The following MAPK8 variants were observed in gnomAD, a reference collection of about 807,000 sequenced individuals.
The protein encoded by MAPK8 is mitogen-activated protein kinase 8.
Under a neutral mutation model 52.9 loss-of-function variants are expected in MAPK8, and 13 were observed. That is an observed-to-expected ratio of 0.25 (90% confidence interval 0.16 to 0.39). MAPK8 has a LOEUF of 0.39. Among genes scored for constraint, MAPK8 ranks in the 10% least tolerant of loss-of-function variants. The pLI, the probability that MAPK8 is intolerant of heterozygous loss-of-function variation, is 1.00. For missense variants in MAPK8, 300 were observed against 519.2 expected, an observed-to-expected ratio of 0.58 and a Z score of 4.10; for synonymous variants, 191 against 169.8, an observed-to-expected ratio of 1.12 and a Z score of -0.97.
chr10:48,326,758 C>T (rs947444612), intron 1 of MAPK8, among the ~76,000 whole-genome samples: 1 of 152,096 alleles, frequency 6.6e-6, no homozygotes, highest in African/African-American at 2.4e-5. Context: ...AATCTATTAC[C>T]ATACGGATCA....
intron 2 of MAPK8, among the ~76,000 whole-genome samples, chr10:48,404,289 T>C (rs2042338347): frequency 6.6e-6 from 1 of 152,000 alleles, no homozygotes; most frequent in Non-Finnish European, 1.5e-5. Context: ...CTCAAGTAGC[T>C]GGGACTACAG....
At chr10:48,427,339 C>G (rs932031895) in intron 10 of MAPK8, 196 bp downstream of exon 10, 7 of 472,674 alleles carry the variant, frequency 1.5e-5, no homozygotes, top group Non-Finnish European at 1.9e-5. Context: ...GTTTCCCACC[C>G]CAGACACAGA....
At chr10:48,413,395 A>C (rs541858749) in intron 5 of MAPK8, among the ~76,000 whole-genome samples, 1 of 152,158 alleles carries the variant, frequency 6.6e-6, no homozygotes, top group East Asian at 1.9e-4. Context: ...ACCATTTTAC[A>C]TTCCCACCAG....
chr10:48,362,954 T>C (rs1847685280), intron 1 of MAPK8, among the ~76,000 whole-genome samples: 1 of 152,130 alleles, frequency 6.6e-6, no homozygotes, highest in Non-Finnish European at 1.5e-5. Flanking sequence ...TTGGCCAGGC[T>C]GGTCTCGAAC....
At chr10:48,323,962 T>A (rs532467560) in intron 1 of MAPK8, among the ~76,000 whole-genome samples, 5 of 152,218 alleles carry the variant, frequency 3.3e-5, no homozygotes, top group African/African-American at 1.2e-4. Context: ...TTTGGTTCCT[T>A]ACAACTGAAC....
At chr10:48,319,235 G>A (rs147708359) in intron 1 of MAPK8, among the ~76,000 whole-genome samples, 4 of 152,146 alleles carry the variant, frequency 2.6e-5, no homozygotes, top group Admixed American at 6.5e-5. Flanking sequence ...ATTTTTTAAC[G>A]GTTTTATTGA....
At chr10:48,361,546 T>C (rs934804954) in intron 1 of MAPK8, among the ~76,000 whole-genome samples, 3 of 152,188 alleles carry the variant, frequency 2.0e-5, no homozygotes, top group South Asian at 2.1e-4. Flanking sequence ...ATAATACTTA[T>C]ACTTTTAAAA....
intron 5 of MAPK8, among the ~76,000 whole-genome samples, chr10:48,416,877 A>T (rs1335129733): frequency 6.6e-6 from 1 of 152,032 alleles, no homozygotes; most frequent in Admixed American, 6.6e-5. Flanking sequence ...ATATATCTAA[A>T]GTGGATATTG....
intron 9 of MAPK8, 62 bp downstream of exon 9, chr10:48,426,566 G>A: frequency 6.8e-7 from 1 of 1,478,692 alleles, no homozygotes; most frequent in Admixed American, 2.2e-5. Context: ...ATGACAGTTA[G>A]GTTTGGAGGA....
intron 1 of MAPK8, among the ~76,000 whole-genome samples, chr10:48,381,937 G>A (rs1175386732): frequency 6.6e-6 from 1 of 152,166 alleles, no homozygotes; most frequent in Non-Finnish European, 1.5e-5. Context: ...TGATTATGAA[G>A]GGGCAGGGCC....
intron 1 of MAPK8, among the ~76,000 whole-genome samples, chr10:48,310,067 G>GT (rs1564461908): frequency 6.6e-6 from 1 of 152,192 alleles, no homozygotes; most frequent in Non-Finnish European, 1.5e-5. Context: ...GGTAACAGGA[G>GT]TATTGAAATG....
chr10:48,422,532 T>C (rs1208490914), intron 6 of MAPK8, among the ~76,000 whole-genome samples: 1 of 152,214 alleles, frequency 6.6e-6, no homozygotes, highest in African/African-American at 2.4e-5. Flanking sequence ...TGCTTGCAGC[T>C]TTCAAAATAC....
chr10:48,371,979 A>G (rs552337257), intron 1 of MAPK8, among the ~76,000 whole-genome samples: 63 of 150,828 alleles, frequency 4.2e-4, no homozygotes, highest in African/African-American at 1.4e-3. Context: ...AGGGGCATGG[A>G]GTTTTCATGC....
intron 7 of MAPK8, chr10:48,424,455 C>CT (rs556280520): frequency 0.02 from 17,483 of 866,242 alleles, 1 homozygote; most frequent in Non-Finnish European, 0.023. Context: ...TTATTTCTTT[C>CT]TTTTTTTTTT....
intron 1 of MAPK8, among the ~76,000 whole-genome samples, chr10:48,393,895 G>GT (rs992981030): frequency 1.3e-5 from 2 of 151,792 alleles, no homozygotes; most frequent in South Asian, 2.1e-4. Context: ...TTAAAATCTT[G>GT]TTTTTTTGAA....
chr10:48,357,617 C>T lies in MAPK8; in HGVS notation c.-49-43995C>T, dbSNP rs1680958920. 4.6e-5 allele frequency among the ~76,000 whole-genome samples: 7 copies of T among 152,164 alleles called. 1 individual carries two copies. In the Middle Eastern group the frequency reaches 0.01, roughly 223 times the overall value. On this transcript the variant is annotated intron_variant, in intron 1 of 11. Transcript: ENST00000374189. ...TTCACCATGTTGCCCAGGCTGGTCT[C>T]GAACCCCTGGGCTCAAGCAATGCAT...
intron 1 of MAPK8, among the ~76,000 whole-genome samples, chr10:48,373,159 T>A (rs994746514): frequency 6.6e-6 from 1 of 152,020 alleles, no homozygotes; most frequent in African/African-American, 2.4e-5. Context: ...TAAGGATAAA[T>A]AAAATCCTTT....
chr10:48,411,931 A>G (rs904493178), intron 5 of MAPK8, among the ~76,000 whole-genome samples: 2 of 138,764 alleles, frequency 1.4e-5, no homozygotes, highest in African/African-American at 5.5e-5. Context: ...TGCAACCTCT[A>G]CCTCCTGGGT....
intron 1 of MAPK8, among the ~76,000 whole-genome samples, chr10:48,321,299 G>A (rs1037587208): frequency 6.6e-6 from 1 of 151,762 alleles, no homozygotes; most frequent in East Asian, 1.9e-4. Flanking sequence ...GTGCCGCCTA[G>A]GTGCTGTAAC....
Sources: gnomAD v4.1 joint callset for allele counts (sites outside exome capture counted in the v4.1 genomes callset) on GRCh38, gnomAD v4.1.1 for gene constraint, MANE v1.5 for transcripts, NCBI Gene and HGNC (gene_info 2026-07-23, HGNC 2026-07-21) for gene names.